The following LIMS1 variants were observed in gnomAD, a reference collection of about 807,000 sequenced individuals.
The protein encoded by LIMS1 is LIM zinc finger domain containing 1.
In LIMS1, 18 loss-of-function variants were observed where a neutral mutation model predicts 44.1. The observed-to-expected ratio is 0.41, with a 90% CI of 0.28 to 0.61. LIMS1 has a LOEUF of 0.61. Among genes scored for constraint, LIMS1 ranks in the 20% least tolerant of loss-of-function variants. The pLI is 0.32. For missense variants in LIMS1, 201 were observed against 422.0 expected, an observed-to-expected ratio of 0.48 and a Z score of 4.59; for synonymous variants, 93 against 149.1, an observed-to-expected ratio of 0.62 and a Z score of 2.74.
At chr2:108,625,206 A>C (rs1215432055) in intron 1 of LIMS1, among the ~76,000 whole-genome samples, 2 of 152,224 alleles carry the variant, frequency 1.3e-5, no homozygotes, top group Admixed American at 1.3e-4. Flanking sequence ...TGGTTGAAAA[A>C]ATAATAAAAA....
chr2:108,665,189 T>A (rs2438780), intron 2 of LIMS1, among the ~76,000 whole-genome samples: 1 of 152,230 alleles, frequency 6.6e-6, no homozygotes, highest in Non-Finnish European at 1.5e-5. Context: ...ATTAGGCAAG[T>A]TCATTGTTGT....
At chr2:108,602,184 C>T (rs1160925717) in intron 1 of LIMS1, among the ~76,000 whole-genome samples, 2 of 152,194 alleles carry the variant, frequency 1.3e-5, no homozygotes, top group Non-Finnish European at 2.9e-5. Flanking sequence ...TTTATCAACT[C>T]TAATAGTTTT....
chr2:108,542,496 C>T (rs1205190535), intron 1 of LIMS1, among the ~76,000 whole-genome samples: 2 of 152,270 alleles, frequency 1.3e-5, no homozygotes, highest in South Asian at 2.1e-4. Flanking sequence ...GGATTCATAC[C>T]GAAGTGCCCT....
chr2:108,680,300 G>T (rs1345850986), intron 8 of LIMS1, among the ~76,000 whole-genome samples: 1 of 150,292 alleles, frequency 6.7e-6, no homozygotes, highest in Non-Finnish European at 1.5e-5. Flanking sequence ...CCAGGAGGCG[G>T]AGGTTGCAGT....
At position 108,611,626 on chromosome 2, in the gene LIMS1, T is replaced by A. The variant is rs577306236; in HGVS notation, c.33-47979T>A. Among the ~76,000 whole-genome samples, 24 of 152,170 alleles carry A rather than the reference T, an allele frequency of 1.6e-4. 1 individual carries two copies. In the South Asian group the frequency reaches 5.0e-3, roughly 32 times the overall value. On this transcript the variant is annotated intron_variant, in intron 1 of 9. Transcript: ENST00000544547. ...TGGGTGCAGTAGCTCACGCCTGTAA[T>A]CCCAGCTCTGTGGGAGGCCGGGGCG...
At chr2:108,556,860 C>G (rs530688964) in intron 1 of LIMS1, among the ~76,000 whole-genome samples, 1 of 152,344 alleles carries the variant, frequency 6.6e-6, no homozygotes, top group South Asian at 2.1e-4. Context: ...TGTGATCAGT[C>G]AAGCAGCTGA....
chr2:108,568,672 C>T (rs1405678447), intron 1 of LIMS1, among the ~76,000 whole-genome samples: 1 of 152,164 alleles, frequency 6.6e-6, no homozygotes, highest in Non-Finnish European at 1.5e-5. Flanking sequence ...CTCCACATCC[C>T]CACCTACATT....
At chr2:108,638,331 A>G (rs1689418898) in intron 1 of LIMS1, among the ~76,000 whole-genome samples, 1 of 152,278 alleles carries the variant, frequency 6.6e-6, no homozygotes, top group South Asian at 2.1e-4. Flanking sequence ...GTAGGGACGC[A>G]GCTCACCAGG....
intron 1 of LIMS1, among the ~76,000 whole-genome samples, chr2:108,556,690 G>A (rs1684935031): frequency 6.6e-6 from 1 of 152,168 alleles, no homozygotes; most frequent in South Asian, 2.1e-4. Context: ...ACCACTGGAG[G>A]CTATATGAGT....
At chr2:108,587,978 A>G (rs1558798627) in intron 1 of LIMS1, among the ~76,000 whole-genome samples, 1 of 152,232 alleles carries the variant, frequency 6.6e-6, no homozygotes, top group Non-Finnish European at 1.5e-5. Flanking sequence ...GGGCACATAA[A>G]GAAGCTCCGT....
At chr2:108,664,666 C>G (rs1490645190) in intron 2 of LIMS1, among the ~76,000 whole-genome samples, 1 of 152,148 alleles carries the variant, frequency 6.6e-6, no homozygotes, top group Non-Finnish European at 1.5e-5. Context: ...TTTGGATCAA[C>G]TTCTGGCCTT....
At chr2:108,596,527 G>A (rs1464799417) in intron 1 of LIMS1, among the ~76,000 whole-genome samples, 1 of 152,294 alleles carries the variant, frequency 6.6e-6, no homozygotes, top group Non-Finnish European at 1.5e-5. Context: ...AGGGATGTAT[G>A]TAAAGAAAGG....
chr2:108,618,742 T>C (rs993102861), intron 1 of LIMS1, among the ~76,000 whole-genome samples: 5 of 150,786 alleles, frequency 3.3e-5, no homozygotes, highest in African/African-American at 1.2e-4. Flanking sequence ...GGGGAATCGC[T>C]TGAACTCGGG....
chr2:108,673,204 T>G lies in LIMS1; in HGVS notation c.530+175T>G, dbSNP rs993129121. On this transcript the variant is annotated intron_variant, in intron 5 of 9. Coordinates refer to ENST00000544547, the Ensembl canonical transcript of LIMS1. ...ATAATGAAACCTGTATACACTTAAT[T>G]TCGTTTCACCAGTTGACATTTTGCC... 4.9e-6 allele frequency: 5 copies of G among 1,020,488 alleles called. No homozygotes were observed. The Admixed American group carries it at 1.1e-4, about 23-fold the overall frequency. 63.2% of individuals were successfully genotyped at this position (1,020,488 alleles called of 1,614,324 possible).
intron 1 of LIMS1, among the ~76,000 whole-genome samples, chr2:108,540,457 C>T (rs538996392): frequency 6.6e-6 from 1 of 152,280 alleles, no homozygotes; most frequent in African/African-American, 2.4e-5. Context: ...CTCGGCCTCC[C>T]AAAGTGCTGG....
intron 1 of LIMS1, among the ~76,000 whole-genome samples, chr2:108,573,630 G>C (rs1685565542): frequency 6.6e-6 from 1 of 152,178 alleles, no homozygotes; most frequent in Non-Finnish European, 1.5e-5. Context: ...TGGCTCTAGG[G>C]ATACAGCAGA....
At chr2:108,620,296 T>C (rs937821897) in intron 1 of LIMS1, among the ~76,000 whole-genome samples, 2 of 152,154 alleles carry the variant, frequency 1.3e-5, no homozygotes, top group Non-Finnish European at 2.9e-5. Flanking sequence ...GTCGAGAAGG[T>C]TCTAAAAGGA....
intron 2 of LIMS1, 118 bp from the exon 3 acceptor site, chr2:108,670,663 A>G: frequency 1.5e-6 from 1 of 684,212 alleles, no homozygotes; most frequent in South Asian, 1.9e-5. Flanking sequence ...GTAGAGTTAT[A>G]AATTCTTAGA....
At chr2:108,671,859 T>C (rs1331950278) in intron 3 of LIMS1, among the ~76,000 whole-genome samples, 10 of 152,236 alleles carry the variant, frequency 6.6e-5, no homozygotes, top group Admixed American at 5.9e-4. Flanking sequence ...TTTTTGCTAA[T>C]GTGCTTACTC....
Sources: gnomAD v4.1 joint callset for allele counts (sites outside exome capture counted in the v4.1 genomes callset) on GRCh38, gnomAD v4.1.1 for gene constraint, MANE v1.5 for transcripts, NCBI Gene and HGNC (gene_info 2026-07-23, HGNC 2026-07-21) for gene names.